The following SCAPER variants were observed in gnomAD, a reference collection of about 807,000 sequenced individuals.
The protein encoded by SCAPER is S-phase cyclin A associated protein in the ER.
A neutral mutation model predicts 182.2 loss-of-function variants in SCAPER; 98 were observed. That is an observed-to-expected ratio of 0.54 (90% CI 0.46 to 0.64). The LOEUF (loss-of-function observed/expected upper bound fraction) is 0.64, where lower values mean the gene tolerates loss of function less well. Ranked by LOEUF, SCAPER falls within the 30% of genes least tolerant of loss-of-function variation. The pLI, the probability that SCAPER is intolerant of heterozygous loss-of-function variation, is 0.00. For missense variants in SCAPER, 1,432 were observed against 1,690.0 expected (o/e 0.85, Z 2.68); for synonymous variants, 605 against 564.6 (o/e 1.07, Z -1.01).
At chr15:76,538,012 T>G (rs1373382577) in intron 23 of SCAPER, among the ~76,000 whole-genome samples, 1 of 151,502 alleles carries the variant, frequency 6.6e-6, no homozygotes. Context: ...AAAACCACAA[T>G]GAGATACCAT....
At chr15:76,669,494 C>A (rs2056863003) in intron 20 of SCAPER, among the ~76,000 whole-genome samples, 1 of 152,198 alleles carries the variant, frequency 6.6e-6, no homozygotes, top group Non-Finnish European at 1.5e-5. Flanking sequence ...CAAAGCAAGT[C>A]ATATATGAAA....
intron 22 of SCAPER, among the ~76,000 whole-genome samples, chr15:76,602,336 T>C (rs1230110887): frequency 8.2e-6 from 1 of 121,542 alleles, no homozygotes; most frequent in African/African-American, 2.5e-5. Flanking sequence ...ATTTAGTTTA[T>C]CTGAAAAAGT....
At chr15:76,537,050 G>A (rs2044232045) in intron 23 of SCAPER, among the ~76,000 whole-genome samples, 1 of 152,072 alleles carries the variant, frequency 6.6e-6, no homozygotes, top group African/African-American at 2.4e-5. Context: ...GCAAACCATT[G>A]CTCAATGAAA....
intron 17 of SCAPER, among the ~76,000 whole-genome samples, chr15:76,723,124 T>A (rs893721556): frequency 6.6e-6 from 1 of 152,252 alleles, no homozygotes; most frequent in African/African-American, 2.4e-5. Context: ...TTTTGGTATG[T>A]TGTGTCTTTG....
chr15:76,742,298 C>G (rs556549224), intron 15 of SCAPER, among the ~76,000 whole-genome samples: 1 of 150,836 alleles, frequency 6.6e-6, no homozygotes, highest in Non-Finnish European at 1.5e-5. Flanking sequence ...TACAAAAGTA[C>G]AAAATAGGTA....
intron 22 of SCAPER, among the ~76,000 whole-genome samples, chr15:76,615,211 AG>A (rs759290402): frequency 2.9e-4 from 44 of 151,992 alleles, no homozygotes; most frequent in Non-Finnish European, 4.6e-4. Flanking sequence ...TGGGAGGCTG[AG>A]GGGGGGCGGA....
chr15:76,897,136 A>G (rs1055130351), intron 1 of SCAPER, among the ~76,000 whole-genome samples: 2 of 152,308 alleles, frequency 1.3e-5, no homozygotes, highest in East Asian at 3.9e-4. Context: ...AAAATCAAAG[A>G]AAGTAAATGT....
chr15:76,443,443 G>A (rs148550021), intron 25 of SCAPER, among the ~76,000 whole-genome samples: 100 of 152,232 alleles, frequency 6.6e-4, no homozygotes, highest in African/African-American at 2.2e-3. Context: ...TGAAATCACT[G>A]GTGTTTTACA....
chr15:76,405,220 C>A (rs1280141223), intron 26 of SCAPER, among the ~76,000 whole-genome samples: 19 of 150,452 alleles, frequency 1.3e-4, no homozygotes, highest in Non-Finnish European at 2.4e-4. Context: ...CTCAAGAGAT[C>A]CTCCTGCCTC....
chr15:76,694,328 A>T (rs1489039984), intron 20 of SCAPER, among the ~76,000 whole-genome samples: 4 of 152,086 alleles, frequency 2.6e-5, no homozygotes, highest in Admixed American at 6.5e-5. Context: ...ATTTATTCCA[A>T]AATATTCTAC....
chr15:76,352,130 GTC>G (rs558371209), intron 30 of SCAPER, among the ~76,000 whole-genome samples: 2 of 152,172 alleles, frequency 1.3e-5, no homozygotes, highest in African/African-American at 4.8e-5. Context: ...AAACATCACT[GTC>G]TCTTTGTTGA....
intron 24 of SCAPER, among the ~76,000 whole-genome samples, chr15:76,486,238 A>C (rs528465981): frequency 6.6e-6 from 1 of 151,954 alleles, no homozygotes; most frequent in African/African-American, 2.4e-5. Context: ...ACAAATACCC[A>C]AAAACCAAAA....
chr15:76,483,476 C>T, intron 24 of SCAPER, among the ~76,000 whole-genome samples: 1 of 151,956 alleles, frequency 6.6e-6, no homozygotes, highest in East Asian at 1.9e-4. Context: ...AAAACACACT[C>T]CATGAAAGAA....
intron 15 of SCAPER, among the ~76,000 whole-genome samples, chr15:76,748,984 T>C (rs1050490426): frequency 2.0e-5 from 3 of 151,792 alleles, no homozygotes; most frequent in East Asian, 1.9e-4. Context: ...TCTAAAAAAA[T>C]TGAAGATGAT....
chr15:76,377,282 CT>C (rs1341328070), intron 28 of SCAPER, among the ~76,000 whole-genome samples: 1 of 152,050 alleles, frequency 6.6e-6, no homozygotes, highest in East Asian at 1.9e-4. Flanking sequence ...TTAAGAGTGC[CT>C]TTTGTCTGTT....
chr15:76,692,696 G>GA (rs71143354), intron 20 of SCAPER, among the ~76,000 whole-genome samples: 8,092 of 98,894 alleles, frequency 0.082, 306 homozygotes, highest in Middle Eastern at 0.14. Context: ...TTCAAAAAAA[G>GA]AAAAAAAAAA....
At chr15:76,854,074 C>T (rs2071069140) in intron 4 of SCAPER, among the ~76,000 whole-genome samples, 1 of 151,900 alleles carries the variant, frequency 6.6e-6, no homozygotes, top group African/African-American at 2.4e-5. Flanking sequence ...ATCGAGACCA[C>T]CCTGGCCAAC....
intron 26 of SCAPER, among the ~76,000 whole-genome samples, chr15:76,430,753 T>A (rs1478155553): frequency 6.6e-6 from 1 of 152,206 alleles, no homozygotes; most frequent in South Asian, 2.1e-4. Context: ...TACTATGGAC[T>A]TTTGAGTTAA....
At chr15:76,516,992 A>G (rs1167117031) in intron 23 of SCAPER, among the ~76,000 whole-genome samples, 1 of 152,210 alleles carries the variant, frequency 6.6e-6, no homozygotes, top group Non-Finnish European at 1.5e-5. Context: ...TAAGGAAATC[A>G]GTCTTAGAAC....
Sources: gnomAD v4.1 joint callset for allele counts (sites outside exome capture counted in the v4.1 genomes callset) on GRCh38, gnomAD v4.1.1 for gene constraint, MANE v1.5 for transcripts, NCBI Gene and HGNC (gene_info 2026-07-23, HGNC 2026-07-21) for gene names.